Variants in CCSER1 observed in about 807,000 individuals in gnomAD.
CCSER1 encodes the protein coiled-coil serine rich protein 1.
Under a neutral mutation model 82.0 loss-of-function variants are expected in CCSER1, and 41 were observed. That is an observed-to-expected ratio of 0.50 (90% confidence interval 0.39 to 0.65). The LOEUF (loss-of-function observed/expected upper bound fraction) is 0.65. Ranked by LOEUF, CCSER1 falls within the 30% of genes least tolerant of loss-of-function variation. The pLI is 0.00. For missense variants in CCSER1, 1,119 were observed against 1,064.2 expected (o/e 1.05, Z -0.72); for synonymous variants, 414 against 383.9 (o/e 1.08, Z -0.92).
chr4:91,401,207 A>T (rs1023920602), intron 10 of CCSER1, among the ~76,000 whole-genome samples: 17 of 150,734 alleles, frequency 1.1e-4, no homozygotes, highest in African/African-American at 4.1e-4. Context: ...ATAATATAAA[A>T]TATCTAATGC....
At chr4:91,010,357 T>C (rs1599455) in intron 9 of CCSER1, among the ~76,000 whole-genome samples, 138,584 of 152,190 alleles carry the variant, frequency 0.91, 63,319 homozygotes, top group Non-Finnish European at 0.95. Flanking sequence ...TTGTCTTTAC[T>C]TTTTGACAGT....
At chr4:90,483,870 G>C (rs1357774474) in intron 5 of CCSER1, among the ~76,000 whole-genome samples, 1 of 152,070 alleles carries the variant, frequency 6.6e-6, no homozygotes, top group East Asian at 1.9e-4. Context: ...CTCTTCTTGT[G>C]GAGTATCTTT....
intron 10 of CCSER1, among the ~76,000 whole-genome samples, chr4:91,578,233 AGTATATAT>A (rs1382970665): frequency 3.3e-5 from 5 of 152,044 alleles, no homozygotes; most frequent in Admixed American, 1.3e-4. Flanking sequence ...GGCCAAAGGT[AGTATATAT>A]GTATATGTGT....
chr4:90,754,875 A>G (rs532032369), intron 7 of CCSER1, among the ~76,000 whole-genome samples: 1 of 152,288 alleles, frequency 6.6e-6, no homozygotes, highest in South Asian at 2.1e-4. Flanking sequence ...TCTGGAGAGC[A>G]TAGGGCTGCT....
At chr4:91,273,020 G>A (rs753640550) in intron 10 of CCSER1, among the ~76,000 whole-genome samples, 9 of 151,910 alleles carry the variant, frequency 5.9e-5, no homozygotes, top group African/African-American at 1.9e-4. Flanking sequence ...GTTTGAAATC[G>A]GGTAATGTGA....
At chr4:90,916,629 G>A (rs889655731) in intron 8 of CCSER1, among the ~76,000 whole-genome samples, 2 of 152,060 alleles carry the variant, frequency 1.3e-5, no homozygotes, top group East Asian at 1.9e-4. Flanking sequence ...CTAAAACACT[G>A]AAAGCAATGG....
At chr4:91,566,606 C>G (rs540870422) in intron 10 of CCSER1, among the ~76,000 whole-genome samples, 4 of 151,910 alleles carry the variant, frequency 2.6e-5, no homozygotes, top group Non-Finnish European at 5.9e-5. Context: ...TTCTTCCTGA[C>G]TCAGTCTTGA....
At chr4:90,889,278 AAG>A (rs1722612885) in intron 8 of CCSER1, among the ~76,000 whole-genome samples, 1 of 152,178 alleles carries the variant, frequency 6.6e-6, no homozygotes, top group Non-Finnish European at 1.5e-5. Context: ...TAGAATTAAA[AAG>A]CCTTAATTAT....
At chr4:90,649,234 A>G (rs557561186) in intron 6 of CCSER1, among the ~76,000 whole-genome samples, 2 of 152,340 alleles carry the variant, frequency 1.3e-5, no homozygotes, top group African/African-American at 4.8e-5. Context: ...CAGGTTTGAA[A>G]TAGTAAGAAT....
chr4:90,929,999 T>A (rs567141591), intron 9 of CCSER1, among the ~76,000 whole-genome samples: 1 of 152,298 alleles, frequency 6.6e-6, no homozygotes, highest in African/African-American at 2.4e-5. Flanking sequence ...ATGTATACAA[T>A]TTGTCAGTTA....
intron 7 of CCSER1, among the ~76,000 whole-genome samples, chr4:90,782,677 C>CTTT (rs1561127476): frequency 2.6e-4 from 25 of 95,260 alleles, no homozygotes; most frequent in African/African-American, 1.2e-3. Flanking sequence ...TCTTTCTTTT[C>CTTT]TTTCTTTCTT....
chr4:90,565,565 G>C (rs188862402), intron 5 of CCSER1, among the ~76,000 whole-genome samples: 2 of 152,130 alleles, frequency 1.3e-5, no homozygotes, highest in African/African-American at 4.8e-5. Flanking sequence ...TGGAAGTAGC[G>C]CACCAGGCAT....
intron 4 of CCSER1, among the ~76,000 whole-genome samples, chr4:90,441,795 A>C (rs1170616274): frequency 1.3e-5 from 2 of 152,234 alleles, no homozygotes; most frequent in African/African-American, 4.8e-5. Flanking sequence ...AGAAAACACA[A>C]GAAATAACTA....
intron 10 of CCSER1, chr4:91,325,033 T>A: frequency 2.7e-6 from 1 of 375,118 alleles, no homozygotes; most frequent in Non-Finnish European, 5.1e-6. Flanking sequence ...TGAATGGAAA[T>A]GCAAAAGGCC....
intron 10 of CCSER1, among the ~76,000 whole-genome samples, chr4:91,242,641 C>T (rs1739458056): frequency 1.3e-5 from 2 of 152,078 alleles, no homozygotes; most frequent in Non-Finnish European, 2.9e-5. Flanking sequence ...AAAATCTTGA[C>T]AAGTTGGACT....
At chr4:91,227,978 A>G (rs1434247980) in intron 10 of CCSER1, among the ~76,000 whole-genome samples, 1 of 152,034 alleles carries the variant, frequency 6.6e-6, no homozygotes, top group Non-Finnish European at 1.5e-5. Flanking sequence ...TTGCATGTAA[A>G]TATTGAGCCA....
At chr4:91,289,999 A>G (rs1174975462) in intron 10 of CCSER1, among the ~76,000 whole-genome samples, 1 of 152,002 alleles carries the variant, frequency 6.6e-6, no homozygotes, top group Non-Finnish European at 1.5e-5. Context: ...GCTATCTACA[A>G]AGAAACAAAG....
At chr4:90,279,614 G>T (rs1018603602) in intron 1 of CCSER1, among the ~76,000 whole-genome samples, 1 of 152,060 alleles carries the variant, frequency 6.6e-6, no homozygotes, top group East Asian at 1.9e-4. Flanking sequence ...CTGTTTTCCA[G>T]CATTTTTTTC....
chr4:90,430,506 A>T (rs972981899), intron 4 of CCSER1, among the ~76,000 whole-genome samples: 4 of 151,928 alleles, frequency 2.6e-5, no homozygotes, highest in Non-Finnish European at 4.4e-5. Context: ...AAAATAAAAT[A>T]TATTGCATAG....
Sources: allele counts gnomAD v4.1 joint callset (sites outside exome capture counted in the v4.1 genomes callset), GRCh38; gene constraint gnomAD v4.1.1; transcripts MANE v1.5; gene names NCBI Gene and HGNC (gene_info 2026-07-23, HGNC 2026-07-21).